The following ZMIZ1 variants were observed in gnomAD, a reference collection of about 807,000 sequenced individuals.
ZMIZ1 encodes zinc finger MIZ domain-containing protein 1.
A neutral mutation model predicts 113.9 loss-of-function variants in ZMIZ1; 17 were observed. The observed-to-expected ratio is 0.15, with a 90% CI of 0.10 to 0.22. ZMIZ1 has a LOEUF of 0.22. Ranked by LOEUF, ZMIZ1 falls within the 10% of genes least tolerant of loss-of-function variation. ZMIZ1 has a pLI of 1.00. For synonymous variants in ZMIZ1, 607 were observed against 603.1 expected, an observed-to-expected ratio of 1.01 and a Z score of -0.09; for missense variants, 1,059 against 1,477.8, an observed-to-expected ratio of 0.72 and a Z score of 4.65.
At chr10:79,180,080 T>C (rs1482251173) in intron 4 of ZMIZ1, among the ~76,000 whole-genome samples, 1 of 152,008 alleles carries the variant, frequency 6.6e-6, no homozygotes, top group Non-Finnish European at 1.5e-5. Flanking sequence ...CACAGCACCA[T>C]GAAGATGAAG....
intron 1 of ZMIZ1, among the ~76,000 whole-genome samples, chr10:79,091,572 G>A (rs563336735): frequency 1.3e-5 from 2 of 152,308 alleles, no homozygotes; most frequent in South Asian, 4.1e-4. Flanking sequence ...TAGAGTGGTC[G>A]GTGGGGAGGG....
At chr10:79,134,579 C>T (rs759657430) in intron 2 of ZMIZ1, among the ~76,000 whole-genome samples, 18 of 152,218 alleles carry the variant, frequency 1.2e-4, no homozygotes, top group South Asian at 2.1e-4. Context: ...CTTTGCCCCA[C>T]GGCACCCTGA....
intron 14 of ZMIZ1, 93 bp from the exon 15 acceptor site, chr10:79,298,313 G>C (rs1854044607): frequency 7.2e-7 from 1 of 1,384,842 alleles, no homozygotes; most frequent in Non-Finnish European, 9.7e-7. Flanking sequence ...CATGGCTCCA[G>C]GCCCCTGGGA....
chr10:79,197,096 C>T lies in ZMIZ1; in HGVS notation c.-49-4488C>T, dbSNP rs117183622. On this transcript the variant is annotated intron_variant, in intron 4 of 24. Coordinates refer to ENST00000334512, the MANE Select transcript of ZMIZ1 (RefSeq NM_020338.4). The stretch of plus-strand genomic sequence containing the variant: ...TTTGTCCTGGTGGGCAGTGGCCTGC[C>T]GACAGCAGGATGAAGGCCTGCCGGG... Among the ~76,000 whole-genome samples the T allele has an allele frequency of 5.3e-3, 814 of 152,344 alleles. 3 individuals carry two copies. Among genetic ancestry groups the T allele is most frequent in the Non-Finnish European group, 9.1e-3 (622 of 68,040 alleles).
chr10:79,071,478 G>C (rs1334654999), intron 1 of ZMIZ1, among the ~76,000 whole-genome samples: 1 of 152,230 alleles, frequency 6.6e-6, no homozygotes. Flanking sequence ...GCCTGCGTTC[G>C]CTGGCGCTTG....
chr10:79,217,674 A>G (rs1372483715), intron 7 of ZMIZ1, among the ~76,000 whole-genome samples: 1 of 152,232 alleles, frequency 6.6e-6, no homozygotes, highest in African/African-American at 2.4e-5. Context: ...CTCAATTTAT[A>G]ATCTCTTGCG....
chr10:79,193,209 G>A (rs986444496), intron 4 of ZMIZ1, among the ~76,000 whole-genome samples: 3 of 152,100 alleles, frequency 2.0e-5, no homozygotes, highest in Non-Finnish European at 4.4e-5. Context: ...CTTTCATTCC[G>A]TTCATACTAT....
At chr10:79,153,712 G>C (rs889006615) in intron 3 of ZMIZ1, among the ~76,000 whole-genome samples, 3 of 152,268 alleles carry the variant, frequency 2.0e-5, no homozygotes, top group African/African-American at 7.2e-5. Context: ...CTGAGGCAGA[G>C]AGAGGTGCAG....
chr10:79,275,756 G>A (rs956908979), intron 7 of ZMIZ1, among the ~76,000 whole-genome samples: 5 of 152,238 alleles, frequency 3.3e-5, no homozygotes, highest in African/African-American at 4.8e-5. Flanking sequence ...CATGGGGCCA[G>A]GAGCAGGAGC....
intron 6 of ZMIZ1, among the ~76,000 whole-genome samples, chr10:79,212,517 T>A (rs1256948566): frequency 6.6e-6 from 1 of 152,108 alleles, no homozygotes; most frequent in African/African-American, 2.4e-5. Context: ...GGCTCATGCC[T>A]ATAATCCCAA....
rs1844133602 is a variant in ZMIZ1, at chr10:79,118,047, C to T, written c.-336-868C>T. Among the ~76,000 whole-genome samples, 1 of 152,236 alleles carries T rather than the reference C, an allele frequency of 6.6e-6. No individual in the cohort carries two copies. Among genetic ancestry groups the T allele is most frequent in the South Asian group, 2.1e-4 (1 of 4,836 alleles). ...GAACTGGGGGGAGACAGCCACACAG[C>T]CTCCATCCCTGAGGAGATTTGGACT... is the stretch of plus-strand genomic sequence containing the variant. On this transcript the variant is annotated intron_variant, in intron 1 of 24. Coordinates refer to ENST00000334512, the MANE Select transcript of ZMIZ1 (RefSeq NM_020338.4). The surrounding 1 kb of genome is among the most constrained non-coding windows in gnomAD (Gnocchi z 4.1).
intron 7 of ZMIZ1, among the ~76,000 whole-genome samples, 160 bp from the exon 8 acceptor site, chr10:79,277,021 T>C (rs2131972386): frequency 6.6e-6 from 1 of 152,304 alleles, no homozygotes; most frequent in Non-Finnish European, 1.5e-5. Context: ...TTGAGAATAC[T>C]GAGGCCTCCC....
intron 8 of ZMIZ1, among the ~76,000 whole-genome samples, chr10:79,281,727 G>A (rs889027295): frequency 1.3e-5 from 2 of 152,240 alleles, no homozygotes; most frequent in Non-Finnish European, 2.9e-5. Context: ...TTCCTCGTGG[G>A]AGCACAGGGA....
intron 15 of ZMIZ1, 100 bp from the exon 16 acceptor site, chr10:79,298,950 C>G: frequency 6.8e-7 from 1 of 1,460,084 alleles, no homozygotes; most frequent in Non-Finnish European, 9.1e-7. Flanking sequence ...CCCCTGCCTT[C>G]CTCTGAGCAT....
At position 79,276,113 on chromosome 10, in the gene ZMIZ1, A is replaced by G. The variant is rs559005624; in HGVS notation, c.281-1068A>G. Among the ~76,000 whole-genome samples, 5 of 152,314 alleles carry G rather than the reference A, an allele frequency of 3.3e-5. No individual in the cohort carries two copies. In the East Asian group the frequency reaches 9.6e-4, roughly 29 times the overall value. On this transcript the variant is annotated intron_variant, in intron 7 of 24. Transcript: ENST00000334512. ...TTGTCCAGCATTCCACAGACCCAGCAGGCCCCCATCCGTCCCTCCCTGCAG... is the reference window on the plus strand; with the variant it reads ...TTGTCCAGCATTCCACAGACCCAGCGGGCCCCCATCCGTCCCTCCCTGCAG...
chr10:79,196,992 CAGTGTGCAGGTCTGGCCCCCAGGTCACTT>C (rs1314637269), intron 4 of ZMIZ1, among the ~76,000 whole-genome samples: 5 of 152,348 alleles, frequency 3.3e-5, no homozygotes, highest in South Asian at 4.1e-4. Flanking sequence ...GGAACCTCCA[CAGTGTGCAGGTCTGGCCCCCAGGTCACTT>C]AGGTTTGTCA....
At position 79,222,195 on chromosome 10, in the gene ZMIZ1, T is replaced by A. The variant is rs1185420154; in HGVS notation, c.280+5921T>A. 3.9e-5 allele frequency among the ~76,000 whole-genome samples: 6 copies of A among 152,268 alleles called. No individual in the cohort carries two copies. The East Asian group carries it at 1.2e-3, about 29-fold the overall frequency. The stretch of plus-strand genomic sequence containing the variant: ...ATTGGACCACTCAATGTTTTTTTTT[T>A]ATGCATACAAGTTGCCAGCATTCAC... On this transcript the variant is annotated intron_variant, in intron 7 of 24. Coordinates refer to ENST00000334512, the MANE Select transcript of ZMIZ1 (RefSeq NM_020338.4).
chr10:79,147,485 T>G (rs1017011326), intron 3 of ZMIZ1, among the ~76,000 whole-genome samples: 1 of 152,164 alleles, frequency 6.6e-6, no homozygotes, highest in Middle Eastern at 3.2e-3. Context: ...GCCTCCCGTG[T>G]GCATCCATCA....
At chr10:79,206,828 CCTCTTTCTCTCCTACAT>C (rs1848336353) in intron 5 of ZMIZ1, among the ~76,000 whole-genome samples, 1 of 152,204 alleles carries the variant, frequency 6.6e-6, no homozygotes, top group South Asian at 2.1e-4. Context: ...GCTTGCCTGC[CCTCTTTCTCTCCTACAT>C]CTCTTTCTCT....
Sources: gnomAD v4.1 joint callset for allele counts (sites outside exome capture counted in the v4.1 genomes callset) on GRCh38, gnomAD v4.1.1 for gene constraint, Gnocchi (gnomAD v3.1) non-coding constraint, MANE v1.5 for transcripts, NCBI Gene and HGNC (gene_info 2026-07-23, HGNC 2026-07-21) for gene names.